Variants in PITPNC1 observed in about 807,000 individuals in gnomAD.
PITPNC1 encodes the protein phosphatidylinositol transfer protein cytoplasmic 1, also known as cytoplasmic phosphatidylinositol transfer protein 1.
Under a neutral mutation model 44.7 loss-of-function variants are expected in PITPNC1, and 18 were observed. The observed-to-expected ratio is 0.40, with a 90% CI of 0.28 to 0.60. PITPNC1 has a LOEUF of 0.60. Among genes scored for constraint, PITPNC1 ranks in the 20% least tolerant of loss-of-function variants. PITPNC1 has a pLI of 0.39. For missense variants in PITPNC1, 290 were observed against 418.4 expected (o/e 0.69, Z 2.68); for synonymous variants, 141 against 149.6 (o/e 0.94, Z 0.42).
At chr17:67,471,518 G>T in intron 1 of PITPNC1, 1 of 361,886 alleles carries the variant, frequency 2.8e-6, no homozygotes, top group Non-Finnish European at 5.3e-6. Flanking sequence ...AAGAAACTGT[G>T]GTTTTTGCCA....
chr17:67,664,769 G>A (rs748435331), intron 6 of PITPNC1, among the ~76,000 whole-genome samples: 3 of 152,040 alleles, frequency 2.0e-5, no homozygotes, highest in Non-Finnish European at 4.4e-5. Flanking sequence ...GCTGGGCGTG[G>A]TGGCGCATGC....
At chr17:67,569,889 AG>A (rs1287921482) in intron 4 of PITPNC1, among the ~76,000 whole-genome samples, 2 of 152,074 alleles carry the variant, frequency 1.3e-5, no homozygotes, top group African/African-American at 4.8e-5. Context: ...AGTCAAGAAG[AG>A]GGAGAGAGAG....
chr17:67,615,394 G>A (rs948568241), intron 5 of PITPNC1, among the ~76,000 whole-genome samples: 4 of 152,154 alleles, frequency 2.6e-5, no homozygotes, highest in Admixed American at 2.6e-4. Flanking sequence ...ACCTCGGGAC[G>A]CTTGCTTGGT....
intron 1 of PITPNC1, among the ~76,000 whole-genome samples, chr17:67,480,829 C>T (rs2039691312): frequency 6.6e-6 from 1 of 152,122 alleles, no homozygotes; most frequent in Admixed American, 6.5e-5. Context: ...TCATAGAATG[C>T]CATACCTCTT....
chr17:67,515,892 C>T (rs745489654), intron 1 of PITPNC1, among the ~76,000 whole-genome samples: 22 of 152,234 alleles, frequency 1.4e-4, no homozygotes, highest in Non-Finnish European at 2.8e-4. Flanking sequence ...ATCTCTCCCA[C>T]CCACGCATTT....
intron 8 of PITPNC1, among the ~76,000 whole-genome samples, chr17:67,691,699 TATTG>T (rs1316554572): frequency 6.6e-6 from 1 of 152,120 alleles, no homozygotes; most frequent in Non-Finnish European, 1.5e-5. Context: ...AAAGTATATG[TATTG>T]ATTAAGAAGA....
intron 4 of PITPNC1, among the ~76,000 whole-genome samples, chr17:67,563,286 C>T (rs1037101951): frequency 1.3e-5 from 2 of 152,174 alleles, no homozygotes; most frequent in African/African-American, 2.4e-5. Flanking sequence ...TATAGAGTTT[C>T]GTGCTTGTGG....
intron 1 of PITPNC1, among the ~76,000 whole-genome samples, chr17:67,480,464 A>G (rs879478775): frequency 4.6e-5 from 7 of 152,212 alleles, no homozygotes; most frequent in Admixed American, 2.0e-4. Context: ...ACGTCCAACA[A>G]TGAAAGACTG....
chr17:67,491,789 A>G (rs1458036766), intron 1 of PITPNC1, among the ~76,000 whole-genome samples: 2 of 152,172 alleles, frequency 1.3e-5, no homozygotes, highest in African/African-American at 4.8e-5. Context: ...CTGTGATCAC[A>G]CTACTGCCTC....
chr17:67,565,226 AGTGTGTATACTAATTTTCCATGGTTTTCG>A (rs1568042659), intron 4 of PITPNC1, among the ~76,000 whole-genome samples: 2 of 144,846 alleles, frequency 1.4e-5, no homozygotes, highest in Non-Finnish European at 3.0e-5. Flanking sequence ...TGTGTTTTTC[AGTGTGTATACTAATTTTCCATGGTTTTCG>A]GTGTGTATAC....
intron 6 of PITPNC1, among the ~76,000 whole-genome samples, chr17:67,645,106 C>T (rs1235419725): frequency 2.6e-5 from 4 of 151,988 alleles, no homozygotes; most frequent in Admixed American, 6.6e-5. Context: ...TTTGGGAGGC[C>T]GAGGCAGGCG....
At chr17:67,657,368 T>A (rs1447439764) in intron 6 of PITPNC1, among the ~76,000 whole-genome samples, 1 of 152,162 alleles carries the variant, frequency 6.6e-6, no homozygotes, top group African/African-American at 2.4e-5. Context: ...GACACCAGAC[T>A]GCAAAATATC....
At chr17:67,443,367 G>A (rs530368846) in intron 1 of PITPNC1, among the ~76,000 whole-genome samples, 2 of 151,652 alleles carry the variant, frequency 1.3e-5, no homozygotes, top group Non-Finnish European at 1.5e-5. Context: ...TCGCAAGCAG[G>A]CTTCTTTGTT....
intron 5 of PITPNC1, among the ~76,000 whole-genome samples, chr17:67,583,896 T>TC (rs765743469): frequency 9.3e-6 from 1 of 107,446 alleles, no homozygotes; most frequent in Non-Finnish European, 2.1e-5. Context: ...TGTGTGTGTG[T>TC]TTGTGTGTGT....
chr17:67,532,378 TC>T (rs773013664), intron 1 of PITPNC1, among the ~76,000 whole-genome samples: 1 of 152,116 alleles, frequency 6.6e-6, no homozygotes, highest in Non-Finnish European at 1.5e-5. Context: ...TATCTAATGC[TC>T]CCTGTTCAGC....
chr17:67,631,295 T>G (rs551395674), intron 5 of PITPNC1, among the ~76,000 whole-genome samples: 84 of 151,226 alleles, frequency 5.6e-4, no homozygotes, highest in African/African-American at 1.9e-3. Flanking sequence ...TTATCTATAT[T>G]TTCTGCAATG....
chr17:67,444,223 ATGAACATTGTAATTGAT>A (rs2039060594), intron 1 of PITPNC1, among the ~76,000 whole-genome samples: 1 of 152,098 alleles, frequency 6.6e-6, no homozygotes, highest in African/African-American at 2.4e-5. Flanking sequence ...AAGGAAGAAC[ATGAACATTGTAATTGAT>A]TGCAAACTCA....
intron 6 of PITPNC1, among the ~76,000 whole-genome samples, chr17:67,668,008 T>A (rs912406731): frequency 6.6e-6 from 1 of 152,002 alleles, no homozygotes; most frequent in Non-Finnish European, 1.5e-5. Context: ...AAAACCCTTT[T>A]ACCTGTTTTT....
intron 1 of PITPNC1, among the ~76,000 whole-genome samples, chr17:67,466,923 T>A (rs1046212521): frequency 6.6e-6 from 1 of 152,162 alleles, no homozygotes; most frequent in African/African-American, 2.4e-5. Context: ...AAGACTATGT[T>A]CCTGCTATTA....
Sources: allele counts gnomAD v4.1 joint callset (sites outside exome capture counted in the v4.1 genomes callset), GRCh38; gene constraint gnomAD v4.1.1; transcripts MANE v1.5; gene names NCBI Gene and HGNC (gene_info 2026-07-23, HGNC 2026-07-21).